The following AP4S1 variants were observed in gnomAD, a reference collection of about 807,000 sequenced individuals.
The protein encoded by AP4S1 is AP-4 complex subunit sigma-1.
In AP4S1, 23 loss-of-function variants were observed where a neutral mutation model predicts 19.8. The ratio of observed to expected loss-of-function variants is 1.16; its 90% confidence interval spans 0.84 to 1.65. AP4S1 has a LOEUF of 1.65. Among genes scored for constraint, AP4S1 ranks in the 40% most tolerant of loss-of-function variants. AP4S1 has a pLI of 0.00. For synonymous variants in AP4S1, 46 were observed against 54.1 expected (o/e 0.85, Z 0.66); for missense variants, 166 against 172.8 (o/e 0.96, Z 0.22).
At chr14:31,075,544 A>C (rs772053473) in intron 4 of AP4S1, among the ~76,000 whole-genome samples, 11 of 152,148 alleles carry the variant, frequency 7.2e-5, no homozygotes, top group Non-Finnish European at 1.3e-4. Context: ...ATATATACCT[A>C]ATCTACTTTC....
intron 4 of AP4S1, among the ~76,000 whole-genome samples, chr14:31,074,590 G>A (rs74335139): frequency 0.013 from 2,000 of 151,308 alleles, 47 homozygotes; most frequent in African/African-American, 0.046. Flanking sequence ...GCTGAATGGC[G>A]TGAACCTGGG....
At chr14:31,065,124 A>G (rs1594678845) in intron 1 of AP4S1, among the ~76,000 whole-genome samples, 1 of 152,310 alleles carries the variant, frequency 6.6e-6, no homozygotes, top group East Asian at 1.9e-4. Context: ...TCTTGTCTCC[A>G]TTGCCCATAA....
chr14:31,054,904 A>G lies in AP4S1; in HGVS notation c.-71-11222A>G, dbSNP rs75273898. On this transcript the variant is annotated intron_variant, in intron 1 of 5. Transcript: ENST00000542754. ...AAAAAAAAAAAAAAAAAACAGTGAC[A>G]GGTCATACTGATAGTATGTGCCTTT... Among the ~76,000 whole-genome samples, 385 of 141,980 alleles carry G rather than the reference A, an allele frequency of 2.7e-3. 1 individual carries two copies. The highest frequency in any genetic ancestry group is 9.3e-3 in the African/African-American group (362 of 39,066). The allele number at this position is 141,980 out of a possible 152,430, so 93.1% of individuals were successfully genotyped here. A position where few individuals can be genotyped will look rare whatever the true frequency, so the allele number is the denominator to read the frequency against.
At position 31,066,220 on chromosome 14, in the gene AP4S1, G is replaced by A; in HGVS notation, c.24G>A (p.Val8=). 6.2e-7 allele frequency: 1 copy of A among 1,613,972 alleles called. No homozygotes were observed. Among genetic ancestry groups the A allele is most frequent in the South Asian group, 1.1e-5 (1 of 91,078 alleles). MIKFFLM[V]NKQGQTRLSK... ...AAATGATAAAATTTTTCCTCATGGT[G>A]AATAAACAAGGGCAGACTCGACTTT... is the stretch of plus-strand genomic sequence containing the variant. The change falls in exon 2 of 6, where the codon GTG becomes GTA. Residue 8 remains valine (V), a synonymous_variant. Transcript: ENST00000542754.
intron 2 of AP4S1, 145 bp downstream of exon 2, chr14:31,066,479 C>T: frequency 8.8e-7 from 1 of 1,139,614 alleles, no homozygotes; most frequent in Non-Finnish European, 1.3e-6. Flanking sequence ...AAATGAAAAA[C>T]TGAAAGAAGC....
chr14:31,037,179 C>G (rs931532332), intron 1 of AP4S1, among the ~76,000 whole-genome samples: 2 of 151,996 alleles, frequency 1.3e-5, no homozygotes, highest in African/African-American at 4.8e-5. Flanking sequence ...CACACACACA[C>G]GCACACACAC....
At chr14:31,057,244 A>C (rs1223180304) in intron 1 of AP4S1, among the ~76,000 whole-genome samples, 1 of 152,198 alleles carries the variant, frequency 6.6e-6, no homozygotes, top group Non-Finnish European at 1.5e-5. Context: ...AAGGGAATAC[A>C]CCTCAGGGAT....
intron 1 of AP4S1, among the ~76,000 whole-genome samples, chr14:31,043,965 A>C (rs931504249): frequency 1.3e-5 from 2 of 152,204 alleles, no homozygotes; most frequent in African/African-American, 2.4e-5. Context: ...CACATATTTT[A>C]AAGACATATG....
At position 31,026,153 on chromosome 14, in the gene AP4S1, G is replaced by A. The variant is rs777547737; in HGVS notation, c.-72+366G>A. 4 of 1,488,590 alleles carry A rather than the reference G, an allele frequency of 2.7e-6. No homozygotes were observed. In the South Asian group the frequency reaches 5.1e-5, roughly 19 times the overall value. The allele number at this position is 1,488,590 out of a possible 1,614,324, so 92.2% of individuals were successfully genotyped here. A position where few individuals can be genotyped will look rare whatever the true frequency, so the allele number is the denominator to read the frequency against. On this transcript the variant is annotated intron_variant, in intron 1 of 5. Coordinates refer to ENST00000542754, the MANE Select transcript of AP4S1 (RefSeq NM_001128126.3). Reference sequence around the variant, plus strand: ...GCCGGGGAGGGGCCGCCATCCCCGGGCCGCCACCACCGCCTCCGGCAAGCT... The same window carrying A: ...GCCGGGGAGGGGCCGCCATCCCCGGACCGCCACCACCGCCTCCGGCAAGCT...
At chr14:31,035,562 T>TA (rs1302874498) in intron 1 of AP4S1, among the ~76,000 whole-genome samples, 4 of 148,874 alleles carry the variant, frequency 2.7e-5, no homozygotes, top group South Asian at 4.2e-4. Context: ...AACAATTTTT[T>TA]AAAAAAAAGA....
intron 1 of AP4S1, chr14:31,027,017 T>G (rs1884036630): frequency 6.6e-6 from 1 of 152,276 alleles, no homozygotes; most frequent in East Asian, 1.9e-4. Context: ...GTCTTGAGCC[T>G]GGGCTTTGGT....
upstream of AP4S1, chr14:31,025,438 T>A (rs934803743): frequency 3.1e-4 from 44 of 143,342 alleles, no homozygotes; most frequent in African/African-American, 1.3e-3. Context: ...GGGGGCCAGA[T>A]ACGCCAAATC....
chr14:31,030,975 C>T (rs1315378408), intron 1 of AP4S1, among the ~76,000 whole-genome samples: 1 of 152,150 alleles, frequency 6.6e-6, no homozygotes, highest in Non-Finnish European at 1.5e-5. Flanking sequence ...ACCCAAATCT[C>T]ATCTCCAATT....
intron 2 of AP4S1, among the ~76,000 whole-genome samples, chr14:31,067,378 T>C (rs1023964947): frequency 1.3e-5 from 2 of 151,596 alleles, no homozygotes; most frequent in African/African-American, 4.8e-5. Flanking sequence ...ACCCGTTAAC[T>C]CGTCATTTAC....
rs1449874964 is a variant in AP4S1, at chr14:31,025,745, A to C, written c.-114A>C. On this transcript the variant is annotated 5_prime_UTR_variant, in exon 1 of 6. Coordinates refer to ENST00000542754, the MANE Select transcript of AP4S1 (RefSeq NM_001128126.3). Reference sequence around the variant, plus strand: ...TGCGGGAAAGAGGGAGGGGGACTCCAGGAAAAGCCGTTGAGAGGACCATCA... The same window carrying C: ...TGCGGGAAAGAGGGAGGGGGACTCCCGGAAAAGCCGTTGAGAGGACCATCA... 2 of 1,008,656 alleles carry C rather than the reference A, an allele frequency of 2.0e-6. No individual in the cohort carries two copies. The highest frequency in any genetic ancestry group is 5.8e-5 in the East Asian group (2 of 34,282). 62.5% of individuals were successfully genotyped at this position (1,008,656 alleles called of 1,614,324 possible). A position where few individuals can be genotyped will look rare whatever the true frequency, so the allele number is the denominator to read the frequency against.
At chr14:31,049,459 A>ATATATATG (rs1487074529) in intron 1 of AP4S1, among the ~76,000 whole-genome samples, 4 of 74,482 alleles carry the variant, frequency 5.4e-5, no homozygotes, top group African/African-American at 2.3e-4. Flanking sequence ...ATATATATAT[A>ATATATATG]TATGTATATA....
intron 1 of AP4S1, 30 bp downstream of exon 1, chr14:31,025,817 G>T: frequency 6.6e-7 from 1 of 1,521,600 alleles, no homozygotes; most frequent in Non-Finnish European, 8.8e-7. Context: ...CCAAGGCGCC[G>T]GCTCCGGCTG....
chr14:31,035,842 G>A (rs4981815), intron 1 of AP4S1, among the ~76,000 whole-genome samples: 91,115 of 151,294 alleles, frequency 0.6, 28,152 homozygotes, highest in African/African-American at 0.76. Flanking sequence ...CCATTCTCCT[G>A]CCTCAGCCTT....
chr14:31,047,488 C>T (rs933088435), intron 1 of AP4S1, among the ~76,000 whole-genome samples: 6 of 150,564 alleles, frequency 4.0e-5, no homozygotes, highest in African/African-American at 9.8e-5. Context: ...CCTGGGTTCA[C>T]GCCGTTCTCC....
Sources: allele counts gnomAD v4.1 joint callset (sites outside exome capture counted in the v4.1 genomes callset), GRCh38; gene constraint gnomAD v4.1.1; transcripts MANE v1.5; gene names NCBI Gene and HGNC (gene_info 2026-07-23, HGNC 2026-07-21).